Variants in TMEM223 observed in about 807,000 individuals in gnomAD.
TMEM223 encodes transmembrane protein 223.
TMEM223 carries 14 observed loss-of-function variants against 14.1 expected under a neutral mutation model. The observed-to-expected ratio is 0.99, with a 90% confidence interval of 0.66 to 1.55. TMEM223 has a LOEUF of 1.55. TMEM223 is among the 40% of genes most tolerant of loss of function. The pLI is 0.00. For missense variants in TMEM223, 346 were observed against 269.9 expected (o/e 1.28, Z -1.97); for synonymous variants, 145 against 120.5 (o/e 1.20, Z -1.33).
chr11:62,776,587 A>C (rs1350091287), intron 1 of TMEM223: 2 of 1,002,684 alleles, frequency 2.0e-6, no homozygotes, highest in Non-Finnish European at 3.0e-6. Context: ...ATGGTGGCTC[A>C]TGCCTGTAAT....
chr11:62,787,691 G>A, downstream of TMEM223: 1 of 893,468 alleles, frequency 1.1e-6, no homozygotes, highest in South Asian at 1.7e-5. Flanking sequence ...GGCTAATCGC[G>A]CTTTGTGGCT....
intron 1 of TMEM223, 79 bp from the exon 2 acceptor site, chr11:62,790,994 A>G: frequency 7.1e-7 from 1 of 1,405,830 alleles, no homozygotes; most frequent in Non-Finnish European, 9.4e-7. Context: ...CCTCTGAATA[A>G]GAAATTTGTG....
At chr11:62,778,473 C>A in intron 1 of TMEM223, 1 of 1,033,972 alleles carries the variant, frequency 9.7e-7, no homozygotes, top group Non-Finnish European at 1.5e-6. Context: ...TGAGTGGGCG[C>A]TGGGCTCTGC....
intron 2 of TMEM223, among the ~76,000 whole-genome samples, chr11:62,772,389 G>A (rs963610978): frequency 2.0e-5 from 3 of 151,996 alleles, no homozygotes; most frequent in African/African-American, 4.8e-5. Context: ...TGGGCATGGC[G>A]GCGTATGCCT....
chr11:62,775,727 C>T lies in TMEM223; in HGVS notation c.315-1062G>A, dbSNP rs1318559690. On this transcript the variant is annotated intron_variant, in intron 1 of 2. Transcript: ENST00000528367. ...TGTTGGATCACACTCCTGGGCTCTC[C>T]GGGAGGCTGGGCAGCTTTTCCAGTC... 2.5e-5 allele frequency: 39 copies of T among 1,560,104 alleles called. No homozygotes were observed. The Admixed American group carries it at 4.8e-4, about 19-fold the overall frequency.
chr11:62,791,549 T>A, intron 1 of TMEM223, 130 bp downstream of exon 1: 5 of 1,216,332 alleles, frequency 4.1e-6, no homozygotes, highest in Non-Finnish European at 4.4e-6. Flanking sequence ...GGCCAGTGTT[T>A]CACATTTCTG....
At chr11:62,784,028 G>T (rs1183041572), downstream of TMEM223, among the ~76,000 whole-genome samples, 1 of 934 alleles carries the variant, frequency 1.1e-3, no homozygotes, top group African/African-American at 3.3e-3. Flanking sequence ...TCACACTGTC[G>T]CCCGGGCTGG....
At chr11:62,775,821 C>T in intron 1 of TMEM223, 3 of 1,612,664 alleles carry the variant, frequency 1.9e-6, no homozygotes, top group Non-Finnish European at 1.7e-6. Context: ...GTGGAGATCC[C>T]TCGGGAGTCT....
At chr11:62,776,828 G>A (rs1446301808) in intron 1 of TMEM223, among the ~76,000 whole-genome samples, 5 of 142,828 alleles carry the variant, frequency 3.5e-5, no homozygotes, top group African/African-American at 1.3e-4. Context: ...GGGCAACAGA[G>A]CAAGACCCTG....
exon 3 of TMEM223, chr11:62,771,883 G>C (rs140206853): frequency 2.7e-4 from 84 of 309,572 alleles, no homozygotes; most frequent in African/African-American, 1.7e-3. Context: ...TTTACAGATA[G>C]GGAAACTGCA....
At chr11:62,786,116 T>C, downstream of TMEM223, 7 of 991,806 alleles carry the variant, frequency 7.1e-6, no homozygotes, top group Non-Finnish European at 1.0e-5. Flanking sequence ...AATAAATATA[T>C]GGTTGAATAT....
chr11:62,781,690 A>G (rs943666383), intron 1 of TMEM223: 3 of 480,770 alleles, frequency 6.2e-6, no homozygotes, highest in East Asian at 4.1e-5. Flanking sequence ...TTGGACATTC[A>G]GGTTGTATTC....
At position 62,790,285 on chromosome 11, in the gene TMEM223, G is replaced by C. The variant is rs561382859; in HGVS notation, c.*338C>G. ...GATGTTAAAGTACAACTAGATAGGA[G>C]GAAGGAGTGAAGGCTAAGCAGACAT... On this transcript the variant is annotated 3_prime_UTR_variant, in exon 2 of 2. Coordinates refer to ENST00000307366, the MANE Select transcript of TMEM223 (RefSeq NM_001080501.3). 4.5e-5 allele frequency: 25 copies of C among 560,650 alleles called. No homozygotes were observed. In the African/African-American group the frequency reaches 4.7e-4, roughly 11 times the overall value. 34.7% of individuals were successfully genotyped at this position (560,650 alleles called of 1,614,324 possible).
chr11:62,789,694 T>C, downstream of TMEM223: 3 of 1,533,068 alleles, frequency 2.0e-6, no homozygotes, highest in Non-Finnish European at 2.6e-6. Context: ...GACCCAAGGA[T>C]AGGAGGAAAA....
At chr11:62,787,045 G>A (rs990085100), downstream of TMEM223, 6 of 1,520,092 alleles carry the variant, frequency 3.9e-6, no homozygotes, top group African/African-American at 5.7e-5. Flanking sequence ...GCAGGGCCCC[G>A]GGACCGGCAC....
At chr11:62,787,361 G>C, downstream of TMEM223, 2 of 1,536,816 alleles carry the variant, frequency 1.3e-6, no homozygotes, top group East Asian at 2.3e-5. Flanking sequence ...CCACCTTCGT[G>C]GGTCGCGCCG....
At chr11:62,789,172 C>T (rs375060289), downstream of TMEM223, 37 of 1,614,180 alleles carry the variant, frequency 2.3e-5, no homozygotes, top group African/African-American at 4.1e-4. Flanking sequence ...TGCTTTTGCT[C>T]TTCTGGATCT....
At chr11:62,772,660 T>C (rs974878837) in intron 2 of TMEM223, among the ~76,000 whole-genome samples, 1 of 151,066 alleles carries the variant, frequency 6.6e-6, no homozygotes, top group South Asian at 2.1e-4. Flanking sequence ...CGAAACTCCA[T>C]CCCTACTAAA....
At chr11:62,782,109 A>G (rs2084234345) in intron 1 of TMEM223, 7 of 1,600,992 alleles carry the variant, frequency 4.4e-6, no homozygotes, top group African/African-American at 1.3e-5. Flanking sequence ...TCTTCTCCCA[A>G]CAGGTGAAAT....
Sources: allele counts gnomAD v4.1 joint callset (sites outside exome capture counted in the v4.1 genomes callset), GRCh38; gene constraint gnomAD v4.1.1; transcripts MANE v1.5; gene names NCBI Gene and HGNC (gene_info 2026-07-23, HGNC 2026-07-21).